MDM2: variants seen among roughly 807,000 people sequenced by gnomAD.
MDM2 encodes E3 ubiquitin-protein ligase Mdm2.
A neutral mutation model predicts 64.3 loss-of-function variants in MDM2; 11 were observed. That is an observed-to-expected ratio of 0.17 (90% CI 0.11 to 0.28). MDM2 has a LOEUF of 0.28. Ranked by LOEUF, MDM2 falls within the 10% of genes least tolerant of loss-of-function variation. The pLI is 1.00. For synonymous variants in MDM2, 194 were observed against 192.9 expected, an observed-to-expected ratio of 1.01 and a Z score of -0.05; for missense variants, 388 against 577.1, an observed-to-expected ratio of 0.67 and a Z score of 3.36.
downstream of MDM2, chr12:68,847,196 T>TATATATATATATATATATA (rs1884363867): frequency 7.6e-5 from 7 of 92,080 alleles, 1 homozygote; most frequent in Non-Finnish European, 1.5e-4. Context: ...TGTGTGTACA[T>TATATATATATATATATATA]TATATATATA....
intron 8 of MDM2, among the ~76,000 whole-genome samples, chr12:68,833,310 A>AATATATATCTTTATAT (rs1483382437): frequency 1.8e-5 from 1 of 55,820 alleles, no homozygotes; most frequent in African/African-American, 7.9e-5. Context: ...TATAAATATA[A>AATATATATCTTTATAT]AAATATAATT....
At chr12:68,850,596 G>A in the MDM2 span, 1 of 152,148 alleles carries the variant, frequency 6.6e-6, no homozygotes, top group Admixed American at 6.6e-5. Context: ...TAGTTTTCCA[G>A]TTCCTACTGG....
intron 5 of MDM2, among the ~76,000 whole-genome samples, chr12:68,820,592 CTT>C (rs1881762418): frequency 6.6e-6 from 1 of 152,096 alleles, no homozygotes; most frequent in African/African-American, 2.4e-5. Flanking sequence ...TCAATTTAGA[CTT>C]GGGATATCAG....
In MDM2 at chr12:68,843,086, T is replaced by TCA. The variant is rs1180558644; in HGVS notation, c.*3237_*3238insCA. The TCA allele has an allele frequency of 4.5e-6, 1 of 223,224 alleles. No individual in the cohort carries two copies. The highest frequency in any genetic ancestry group is 2.2e-5 in the African/African-American group (1 of 44,678). 13.8% of individuals were successfully genotyped at this position (223,224 alleles called of 1,614,324 possible). ...TATCTCAGTGCCTTTTGCAATTTGT[T>TCA]GTGTGGGTTTTTTTTTTTTTAAAGC... On this transcript the variant is annotated 3_prime_UTR_variant, in exon 11 of 11. Coordinates refer to ENST00000258149, the MANE Select transcript of MDM2 (RefSeq NM_002392.6).
intron 8 of MDM2, among the ~76,000 whole-genome samples, chr12:68,834,946 A>G (rs1730767856): frequency 6.6e-6 from 1 of 152,210 alleles, no homozygotes; most frequent in African/African-American, 2.4e-5. Flanking sequence ...TCCTGAAACG[A>G]AGAATCAGAT....
chr12:68,816,362 CTTTTTTTTTT>C (rs62874563), intron 3 of MDM2, among the ~76,000 whole-genome samples: 9 of 61,088 alleles, frequency 1.5e-4, no homozygotes, highest in East Asian at 5.6e-4. Flanking sequence ...TTAAAAGTAG[CTTTTTTTTTT>C]TTTTTTTTTT....
intron 5 of MDM2, 34 bp from the exon 6 acceptor site, chr12:68,824,329 C>T (rs2136137667): frequency 6.3e-7 from 1 of 1,590,902 alleles, no homozygotes; most frequent in South Asian, 1.1e-5. Flanking sequence ...CCCCGCCCAC[C>T]ACCAAGTTTC....
At chr12:68,824,520 GT>G (rs1288596891) in intron 6 of MDM2, 34 bp from the exon 7 acceptor site, 9 of 1,597,034 alleles carry the variant, frequency 5.6e-6, no homozygotes, top group Non-Finnish European at 7.7e-6. Context: ...GTTATGTTAA[GT>G]TTGTTGTATT....
intron 8 of MDM2, among the ~76,000 whole-genome samples, chr12:68,835,223 A>G (rs2136167093): frequency 6.6e-6 from 1 of 152,342 alleles, no homozygotes; most frequent in Middle Eastern, 3.4e-3. Context: ...GTGAGACTAT[A>G]TAATTCATTA....
At chr12:68,826,252 C>T (rs1882307837) in intron 7 of MDM2, among the ~76,000 whole-genome samples, 1 of 151,996 alleles carries the variant, frequency 6.6e-6, no homozygotes, top group Admixed American at 6.6e-5. Flanking sequence ...TTTTACTCAT[C>T]CTTACTCATC....
At chr12:68,837,719 A>G (rs1464780986) in intron 10 of MDM2, among the ~76,000 whole-genome samples, 2 of 152,210 alleles carry the variant, frequency 1.3e-5, no homozygotes, top group Non-Finnish European at 2.9e-5. Context: ...CATTAAAGAA[A>G]TTAACACTTA....
chr12:68,815,433 CTTT>C (rs58178593), intron 3 of MDM2, among the ~76,000 whole-genome samples: 9 of 93,062 alleles, frequency 9.7e-5, no homozygotes, highest in Admixed American at 2.5e-4. Context: ...GTTTCTTCTT[CTTT>C]TTTTTTTTTT....
chr12:68,819,429 C>T (rs1031694353), intron 4 of MDM2, among the ~76,000 whole-genome samples: 3 of 152,234 alleles, frequency 2.0e-5, no homozygotes, highest in East Asian at 1.9e-4. Context: ...GTGACTGGTA[C>T]GTGGTAGGTT....
Position 68,808,407 on chromosome 12 carries a change from G to T in MDM2, c.-71G>T. ...TGATCCCCGAGGCCCAGGGCGTCGT[G>T]CTTCCGCGCGCCCCGTGAAGGAAAC... On this transcript the variant is annotated 5_prime_UTR_variant, in exon 1 of 11. Coordinates refer to ENST00000258149, the MANE Select transcript of MDM2 (RefSeq NM_002392.6). 6.2e-7 allele frequency: 1 copy of T among 1,608,904 alleles called. No individual in the cohort carries two copies. The highest frequency in any genetic ancestry group is 1.7e-5 in the Admixed American group (1 of 59,988).
chr12:68,847,210 A>ATATATATATATATATATATG (rs1565756805), downstream of MDM2: 5 of 135,130 alleles, frequency 3.7e-5, no homozygotes, highest in African/African-American at 1.6e-4. Flanking sequence ...ATATATATAT[A>ATATATATATATATATATATG]TACTTTTTTT....
chr12:68,843,737 A>C lies in MDM2; in HGVS notation c.*3888A>C, dbSNP rs1022464252. Reference sequence around the variant, plus strand: ...TCTCTGTCTGTCTCAATAAATGGCCAAAGGGATTAGTAGTTTACCTGTGGA... The same window carrying C: ...TCTCTGTCTGTCTCAATAAATGGCCCAAGGGATTAGTAGTTTACCTGTGGA... On this transcript the variant is annotated 3_prime_UTR_variant, in exon 11 of 11. Transcript: ENST00000258149. The C allele has an allele frequency of 2.2e-5, 5 of 224,214 alleles. No individual in the cohort carries two copies. The highest frequency in any genetic ancestry group is 4.4e-5 in the Non-Finnish European group (5 of 112,576). 13.9% of individuals were successfully genotyped at this position (224,214 alleles called of 1,614,324 possible). A position where few individuals can be genotyped will look rare whatever the true frequency, so the allele number is the denominator to read the frequency against.
At chr12:68,808,614 C>T (rs932553401) in intron 1 of MDM2, 123 bp downstream of exon 1, 2 of 1,354,316 alleles carry the variant, frequency 1.5e-6, no homozygotes, top group African/African-American at 1.5e-5. Flanking sequence ...GGGCTCGGGG[C>T]GCGGGGCGCG....
chr12:68,840,495 GTTTTTTGT>G lies in MDM2; in HGVS notation c.*657_*664del, dbSNP rs1317776708. The stretch of plus-strand genomic sequence containing the variant: ...AAAGAGAAAATGTGTGAAAGATTTA[GTTTTTTGT>G]TTTTTTGTTTGTTTGTTTGTTTGTT... On this transcript the variant is annotated 3_prime_UTR_variant, in exon 11 of 11. Coordinates refer to ENST00000258149, the MANE Select transcript of MDM2 (RefSeq NM_002392.6). The G allele has an allele frequency of 1.1e-5, 2 of 186,754 alleles. No individual in the cohort carries two copies. The highest frequency in any genetic ancestry group is 2.0e-4 in the South Asian group (1 of 5,076). The allele number at this position is 186,754 out of a possible 1,614,324, so 11.6% of individuals were successfully genotyped here. A position where few individuals can be genotyped will look rare whatever the true frequency, so the allele number is the denominator to read the frequency against.
intron 8 of MDM2, 22 bp from the exon 9 acceptor site, chr12:68,835,807 A>G (rs761521068): frequency 1.6e-5 from 26 of 1,606,358 alleles, no homozygotes; most frequent in Non-Finnish European, 2.1e-5. Context: ...TTATTAAGTT[A>G]TATATTTTTT....
Sources: gnomAD v4.1 joint callset for allele counts (sites outside exome capture counted in the v4.1 genomes callset) on GRCh38, gnomAD v4.1.1 for gene constraint, MANE v1.5 for transcripts, NCBI Gene and HGNC (gene_info 2026-07-23, HGNC 2026-07-21) for gene names.